FBXO4: variants seen among roughly 807,000 people sequenced by gnomAD.
FBXO4 encodes F-box only protein 4.
In FBXO4, 36 loss-of-function variants were observed where a neutral mutation model predicts 43.7. The ratio of observed to expected loss-of-function variants is 0.82; its 90% CI spans 0.63 to 1.09. The LOEUF (loss-of-function observed/expected upper bound fraction) is 1.09, where lower values mean the gene tolerates loss of function less well. Among genes scored for constraint, FBXO4 ranks in the 50% least tolerant of loss-of-function variants. FBXO4 has a pLI of 0.00. For synonymous variants in FBXO4, 180 were observed against 165.6 expected (o/e 1.09, Z -0.67); for missense variants, 435 against 474.1 (o/e 0.92, Z 0.77).
the FBXO4 span, among the ~76,000 whole-genome samples, chr5:41,990,930 C>A: frequency 1.3e-5 from 2 of 152,104 alleles, no homozygotes; most frequent in African/African-American, 4.8e-5. Flanking sequence ...CTTTTGTAGT[C>A]TACATTTATA....
the FBXO4 span, among the ~76,000 whole-genome samples, chr5:42,010,897 T>G: frequency 6.6e-6 from 1 of 152,150 alleles, no homozygotes; most frequent in Admixed American, 6.5e-5. Flanking sequence ...TAAATTATAC[T>G]TTAAGTTCTG....
chr5:42,012,324 ATG>A, the FBXO4 span, among the ~76,000 whole-genome samples: 10 of 151,008 alleles, frequency 6.6e-5, no homozygotes, highest in Middle Eastern at 3.4e-3. Flanking sequence ...AGATGTGAGC[ATG>A]TGTGTGTGTG....
At chr5:41,995,197 C>A in the FBXO4 span, among the ~76,000 whole-genome samples, 1 of 152,172 alleles carries the variant, frequency 6.6e-6, no homozygotes, top group Non-Finnish European at 1.5e-5. Flanking sequence ...TAGTCAGAGG[C>A]AATGCTGTGT....
the FBXO4 span, among the ~76,000 whole-genome samples, chr5:42,024,043 G>A: frequency 1.3e-5 from 2 of 151,964 alleles, no homozygotes; most frequent in African/African-American, 2.4e-5. Context: ...TACATTTATT[G>A]TAAAACTATT....
At chr5:41,966,460 C>T in the FBXO4 span, among the ~76,000 whole-genome samples, 1 of 151,984 alleles carries the variant, frequency 6.6e-6, no homozygotes, top group Non-Finnish European at 1.5e-5. Flanking sequence ...CCTTTAAATC[C>T]TAGAAAACTA....
chr5:42,040,328 C>T, the FBXO4 span, among the ~76,000 whole-genome samples: 4 of 152,144 alleles, frequency 2.6e-5, no homozygotes, highest in Non-Finnish European at 4.4e-5. Flanking sequence ...CGTTTGTTTA[C>T]TGTTCTGTCC....
At chr5:41,997,037 G>A in the FBXO4 span, among the ~76,000 whole-genome samples, 1 of 152,216 alleles carries the variant, frequency 6.6e-6, no homozygotes, top group East Asian at 1.9e-4. Flanking sequence ...CTGGAGAGTT[G>A]ATAAACACCT....
At position 41,939,588 on chromosome 5, in the gene FBXO4, A is replaced by T. The variant is rs1751947765; in HGVS notation, c.1046A>T (p.His349Leu). 3 of 1,613,000 alleles carry T rather than the reference A, an allele frequency of 1.9e-6. No homozygotes were observed. Among genetic ancestry groups the T allele is most frequent in the African/African-American group, 2.7e-5 (2 of 75,028 alleles). ...MPCFYLAHELHLNLLNHPWLV... is the reference protein window; with the variant it reads ...MPCFYLAHELLLNLLNHPWLV... ...TGTTTTTATTTGGCTCATGAGCTGC[A>T]TCTGAATCTTCTAAATCACCCATGG... The change falls in exon 6 of 7, where the codon CAT becomes CTT. Residue 349 changes from histidine to leucine, a missense_variant. Transcript: ENST00000281623.
chr5:41,937,395 A>G (rs1461547815), intron 5 of FBXO4, among the ~76,000 whole-genome samples: 1 of 152,202 alleles, frequency 6.6e-6, no homozygotes, highest in Non-Finnish European at 1.5e-5. Flanking sequence ...GGGGGAAAAA[A>G]CATCCTATAT....
chr5:41,952,072 T>C, the FBXO4 span: 11 of 216,622 alleles, frequency 5.1e-5, no homozygotes, highest in Non-Finnish European at 8.5e-5. Context: ...CTTTTTCTTT[T>C]GTAGAGGTAC....
intron 1 of FBXO4, 73 bp downstream of exon 1, chr5:41,925,571 CG>C: frequency 8.5e-7 from 1 of 1,179,320 alleles, no homozygotes; most frequent in Non-Finnish European, 1.1e-6. Context: ...TGGAGCCCCC[CG>C]GGGCCTGGGG....
At chr5:41,967,196 G>C in the FBXO4 span, 1 of 484,622 alleles carries the variant, frequency 2.1e-6, no homozygotes, top group South Asian at 1.7e-5. Context: ...TCAAGCCTCA[G>C]CACTTTTTTT....
At chr5:42,004,059 G>A in the FBXO4 span, among the ~76,000 whole-genome samples, 4 of 152,128 alleles carry the variant, frequency 2.6e-5, no homozygotes, top group African/African-American at 9.7e-5. Context: ...AAAAGGATGA[G>A]TTCATGTCCT....
At chr5:42,027,361 G>T in the FBXO4 span, among the ~76,000 whole-genome samples, 1 of 151,704 alleles carries the variant, frequency 6.6e-6, no homozygotes, top group South Asian at 2.1e-4. Flanking sequence ...AGTCTCTACT[G>T]ATCCTTTGAA....
the FBXO4 span, among the ~76,000 whole-genome samples, chr5:42,025,581 T>C: frequency 6.6e-6 from 1 of 152,020 alleles, no homozygotes; most frequent in Non-Finnish European, 1.5e-5. Flanking sequence ...TTTGGTTGCC[T>C]GTGCTCATGG....
chr5:41,992,113 T>C, the FBXO4 span, among the ~76,000 whole-genome samples: 2 of 152,166 alleles, frequency 1.3e-5, no homozygotes, highest in Non-Finnish European at 2.9e-5. Context: ...TCATCTTCTA[T>C]TTCCTCTTAG....
At chr5:41,952,930 A>G in the FBXO4 span, among the ~76,000 whole-genome samples, 1 of 147,470 alleles carries the variant, frequency 6.8e-6, no homozygotes. Context: ...CATTCTTTCA[A>G]CTCTATTCTA....
the FBXO4 span, among the ~76,000 whole-genome samples, chr5:41,950,042 T>A: frequency 2.0e-5 from 3 of 152,134 alleles, no homozygotes; most frequent in Admixed American, 1.3e-4. Context: ...ATCCCTTCCT[T>A]ACACCTTATA....
chr5:42,039,287 TGAAA>T, the FBXO4 span, among the ~76,000 whole-genome samples: 3 of 152,068 alleles, frequency 2.0e-5, no homozygotes, highest in Admixed American at 6.6e-5. Flanking sequence ...CTAGATTTGC[TGAAA>T]GAGTGAGACT....
Sources: gnomAD v4.1 joint callset for allele counts (sites outside exome capture counted in the v4.1 genomes callset) on GRCh38, gnomAD v4.1.1 for gene constraint, MANE v1.5 for transcripts, NCBI Gene and HGNC (gene_info 2026-07-23, HGNC 2026-07-21) for gene names.